The following LYPD1 variants were observed in gnomAD, a reference collection of about 807,000 sequenced individuals.
LYPD1 encodes LY6/PLAUR domain containing 1.
LYPD1 carries 14 observed loss-of-function variants against 14.2 expected under a neutral mutation model. The observed-to-expected ratio is 0.99, with a 90% CI of 0.65 to 1.54. The LOEUF is 1.54. Among genes scored for constraint, LYPD1 ranks in the 40% most tolerant of loss-of-function variants. The pLI, the probability that LYPD1 is intolerant of heterozygous loss-of-function variation, is 0.00. For missense variants in LYPD1, 165 were observed against 175.7 expected (o/e 0.94, Z 0.34); for synonymous variants, 85 against 70.6 (o/e 1.20, Z -1.02).
intron 2 of LYPD1, among the ~76,000 whole-genome samples, chr2:132,667,981 C>T (rs554362100): frequency 8.5e-5 from 13 of 152,068 alleles, no homozygotes; most frequent in South Asian, 4.1e-4. Context: ...GCCTCTATGA[C>T]AAAACACATT....
chr2:132,662,791 T>C (rs1683031322), intron 2 of LYPD1, among the ~76,000 whole-genome samples: 1 of 152,194 alleles, frequency 6.6e-6, no homozygotes, highest in Non-Finnish European at 1.5e-5. Context: ...CTGTTTAAAC[T>C]CATTAGGAAA....
rs376347513 is a variant in LYPD1 at position 132,668,536 on chromosome 2, G to A, written c.54C>T (p.Gly18=). 20 of 1,611,996 alleles carry A rather than the reference G, an allele frequency of 1.2e-5. No homozygotes were observed. Among genetic ancestry groups the A allele is most frequent in the Non-Finnish European group, 1.5e-5 (18 of 1,179,380 alleles). ...ATFCGLFLLP[G]FALQIQCYQC... ...GGTAGCACTGGATTTGCAGCGCAAA[G>A]CCTGCGAGACAGACGCAGTCGGGTT... The change falls in exon 2 of 3, where the codon GGC becomes GGT. Residue 18 remains glycine (G), a splice_region_variant and synonymous_variant. Transcript: ENST00000397463.
At chr2:132,662,699 A>G (rs1290576388) in intron 2 of LYPD1, among the ~76,000 whole-genome samples, 1 of 152,110 alleles carries the variant, frequency 6.6e-6, no homozygotes, top group Non-Finnish European at 1.5e-5. Flanking sequence ...TTCCTTTTCA[A>G]AGTTCAAAGA....
chr2:132,662,939 T>C (rs1327508404), intron 2 of LYPD1: 1 of 152,174 alleles, frequency 6.6e-6, no homozygotes, highest in African/African-American at 2.4e-5. Context: ...AAAGTTAACA[T>C]AAACAAATAC....
At position 132,646,189 on chromosome 2, in the gene LYPD1, G is replaced by A. The variant is rs751029062; in HGVS notation, c.282C>T (p.Asn94=). 7 of 1,609,660 alleles carry A rather than the reference G, an allele frequency of 4.3e-6. No homozygotes were observed. The highest frequency in any genetic ancestry group is 1.7e-5 in the Admixed American group (1 of 59,456). The change falls in exon 3 of 3, where the codon AAC becomes AAT. Residue 94 remains asparagine, a synonymous_variant. Transcript: ENST00000397463. ...TGTTGCAGCAGCTGATGCAAACTGA[G>A]TTCAGTTTCCCTGGGGAGCAGAAGG... is the stretch of plus-strand genomic sequence containing the variant. The part of the protein sequence containing the change: ...YQSFCSPGKL[N]SVCISCCNTP...
chr2:132,659,811 C>T lies in LYPD1; in HGVS notation c.190+8589G>A, dbSNP rs145954595. 8.5e-4 allele frequency among the ~76,000 whole-genome samples: 130 copies of T among 152,334 alleles called. 2 individuals are homozygous for T. Among genetic ancestry groups the T allele is most frequent in the African/African-American group, 3.0e-3 (126 of 41,580 alleles). ...CACTTTGGATGTCTTCACTGGGTGG[C>T]AGACTAGTCAACCCGCTAGGCTCTA... On this transcript the variant is annotated intron_variant, in intron 2 of 2. Coordinates refer to ENST00000397463, the MANE Select transcript of LYPD1 (RefSeq NM_144586.7).
chr2:132,647,694 A>C (rs1682179311), intron 2 of LYPD1, among the ~76,000 whole-genome samples: 1 of 152,206 alleles, frequency 6.6e-6, no homozygotes, highest in African/African-American at 2.4e-5. Flanking sequence ...TTAATACTAA[A>C]GCTAGACTTA....
In LYPD1 at chr2:132,669,782, A is replaced by G. The variant is rs1169902322; in HGVS notation, c.52+99T>C. The G allele has an allele frequency of 1.9e-6, 3 of 1,542,200 alleles. No homozygotes were observed. The African/African-American group carries it at 4.2e-5, about 22-fold the overall frequency. ...AACTCCCGCTGGGCAGCCCCAGCGCAGGGCTGGCCCCGAGGTGGGCGCCTT... is the reference window on the plus strand; with the variant it reads ...AACTCCCGCTGGGCAGCCCCAGCGCGGGGCTGGCCCCGAGGTGGGCGCCTT... On this transcript the variant is annotated intron_variant, in intron 1 of 2. Transcript: ENST00000397463. The surrounding 1 kb of genome is among the most constrained non-coding windows in gnomAD (Gnocchi z 4.3).
chr2:132,659,465 T>C (rs1002107368), intron 2 of LYPD1, among the ~76,000 whole-genome samples: 2 of 152,200 alleles, frequency 1.3e-5, no homozygotes, highest in South Asian at 4.1e-4. Flanking sequence ...TCAATTTGAT[T>C]AGGAAAATGC....
rs1297744928 is a variant in LYPD1 at position 132,644,942 on chromosome 2, AAAG to A, written c.*1100_*1102del. On this transcript the variant is annotated 3_prime_UTR_variant, in exon 3 of 3. Coordinates refer to ENST00000397463, the MANE Select transcript of LYPD1 (RefSeq NM_144586.7). ...GTTAAATTCTCTCTTGCTTGTGGCA[AAAG>A]AAGCTGTCAAGTCCAACACTGAAAA... 6.5e-6 allele frequency: 5 copies of A among 774,576 alleles called. No homozygotes were observed. The East Asian group carries it at 1.4e-4, about 21-fold the overall frequency. 48.0% of individuals were successfully genotyped at this position (774,576 alleles called of 1,614,324 possible).
rs778584237 is a variant in LYPD1, at chr2:132,669,977, A to G, written c.-45T>C. ...CGGGAGAGGGCAAGCGCATCAGAGG[A>G]GGCGACAGCAGCGGAGGCTGCCCCG... On this transcript the variant is annotated 5_prime_UTR_variant, in exon 1 of 3. Transcript: ENST00000397463. The surrounding 1 kb of genome is among the most constrained non-coding windows in gnomAD (Gnocchi z 4.3). The G allele has an allele frequency of 1.2e-5, 19 of 1,603,058 alleles. No individual in the cohort carries two copies. Among genetic ancestry groups the G allele is most frequent in the Non-Finnish European group, 1.6e-5 (19 of 1,177,180 alleles).
chr2:132,649,126 A>G (rs554672221), intron 2 of LYPD1, among the ~76,000 whole-genome samples: 3 of 152,342 alleles, frequency 2.0e-5, no homozygotes, highest in African/African-American at 7.2e-5. Flanking sequence ...CTTTGGAGAC[A>G]TTCAAGAAGA....
rs761559606 is a variant in LYPD1, at chr2:132,646,158, GA to G, written c.312del (p.Leu105PhefsTer30). ...TTCTTGGGCCTTGGCCCGTTACAAAGAGGGGTGTTGCAGCAGCTGATGCAAA... is the reference window on the plus strand; with the variant it reads ...TTCTTGGGCCTTGGCCCGTTACAAAGGGGGTGTTGCAGCAGCTGATGCAAA... ...NSVCISCCNT[P>X]LCNGPRPKKR... is the part of the protein sequence containing the mutation. On this transcript the variant is annotated frameshift_variant, in exon 3 of 3. Coordinates refer to ENST00000397463, the MANE Select transcript of LYPD1 (RefSeq NM_144586.7). LOFTEE classifies it high-confidence loss of function. 1 of 1,612,218 alleles carries G rather than the reference GA, an allele frequency of 6.2e-7. No individual in the cohort carries two copies. The highest frequency in any genetic ancestry group is 1.1e-5 in the South Asian group (1 of 90,702).
At position 132,670,089 on chromosome 2, in the gene LYPD1, C is replaced by CCGCTCGCGGAGCCTGCATCGCCCG; in HGVS notation, c.-181_-158dup. On this transcript the variant is annotated 5_prime_UTR_variant, in exon 1 of 3. In the 5' UTR this introduces an upstream ATG that the reference lacks. Transcript: ENST00000397463. The surrounding 1 kb of genome is among the most constrained non-coding windows in gnomAD (Gnocchi z 4.5). The stretch of plus-strand genomic sequence containing the variant: ...TCGTAGCTTAGAGGAGCCGCAGGTG[C>CCGCTCGCGGAGCCTGCATCGCCCG]CGCTCGCGGAGCCTGCATCGCCCGC... 1 of 1,473,694 alleles carries CCGCTCGCGGAGCCTGCATCGCCCG rather than the reference C, an allele frequency of 6.8e-7. No homozygotes were observed. Among genetic ancestry groups the CCGCTCGCGGAGCCTGCATCGCCCG allele is most frequent in the Non-Finnish European group, 8.9e-7 (1 of 1,120,168 alleles). The allele number at this position is 1,473,694 out of a possible 1,614,324, so 91.3% of individuals were successfully genotyped here.
chr2:132,656,637 G>A (rs886422666), intron 2 of LYPD1, among the ~76,000 whole-genome samples: 7 of 152,156 alleles, frequency 4.6e-5, no homozygotes, highest in African/African-American at 1.2e-4. Context: ...TTGCCGCCAC[G>A]ATGGGCACCG....
intron 2 of LYPD1, among the ~76,000 whole-genome samples, chr2:132,658,181 G>C (rs1573740636): frequency 6.6e-6 from 1 of 152,194 alleles, no homozygotes; most frequent in Admixed American, 6.5e-5. Flanking sequence ...CATGCTTAGG[G>C]AAGTAAGAAG....
At chr2:132,655,964 T>G (rs375643060) in intron 2 of LYPD1, among the ~76,000 whole-genome samples, 5 of 152,212 alleles carry the variant, frequency 3.3e-5, no homozygotes, top group African/African-American at 1.2e-4. Context: ...CCCCCTCCAC[T>G]CCCCTACAGA....
chr2:132,645,181 G>C lies in LYPD1; in HGVS notation c.*864C>G, dbSNP rs267598880. Reference sequence around the variant, plus strand: ...CATGGCTGCGGCCAAACCCAAGCACGACTGGACGAGGTCCTACTTCCGGGC... The same window carrying C: ...CATGGCTGCGGCCAAACCCAAGCACCACTGGACGAGGTCCTACTTCCGGGC... On this transcript the variant is annotated 3_prime_UTR_variant, in exon 3 of 3. Coordinates refer to ENST00000397463, the MANE Select transcript of LYPD1 (RefSeq NM_144586.7). The C allele has an allele frequency of 2.0e-5, 32 of 1,614,136 alleles. No individual in the cohort carries two copies. The highest frequency in any genetic ancestry group is 2.5e-5 in the Non-Finnish European group (30 of 1,180,028).
At position 132,645,920 on chromosome 2, in the gene LYPD1, G is replaced by GAAC. The variant is rs1427511184; in HGVS notation, c.*122_*124dup. On this transcript the variant is annotated 3_prime_UTR_variant, in exon 3 of 3. Coordinates refer to ENST00000397463, the MANE Select transcript of LYPD1 (RefSeq NM_144586.7). ...TCATTATTTGCACAGGAACAAAAGA[G>GAAC]AACACGGACTCCCGCTCCCTACCCA... is the stretch of plus-strand genomic sequence containing the variant. The GAAC allele has an allele frequency of 1.4e-6, 1 of 721,702 alleles. No individual in the cohort carries two copies. Among genetic ancestry groups the GAAC allele is most frequent in the African/African-American group, 1.8e-5 (1 of 55,512 alleles). The allele number at this position is 721,702 out of a possible 1,614,324, so 44.7% of individuals were successfully genotyped here.
Sources: gnomAD v4.1 joint callset for allele counts (sites outside exome capture counted in the v4.1 genomes callset) on GRCh38, gnomAD v4.1.1 for gene constraint, Gnocchi (gnomAD v3.1) non-coding constraint, MANE v1.5 for transcripts, NCBI Gene and HGNC (gene_info 2026-07-23, HGNC 2026-07-21) for gene names.